Variants in CDC45 observed in about 807,000 individuals in gnomAD.
The protein encoded by CDC45 is cell division control protein 45 homolog.
Under a neutral mutation model 77.8 loss-of-function variants are expected in CDC45, and 54 were observed. That is an observed-to-expected ratio of 0.69 (90% CI 0.56 to 0.87). The LOEUF is 0.87. Ranked by LOEUF, CDC45 falls within the 40% of genes least tolerant of loss-of-function variation. The probability of loss-of-function intolerance (pLI) is 0.00; values close to 1 mark genes in which losing one functional copy is unlikely to be tolerated. For synonymous variants in CDC45, 260 were observed against 272.1 expected (o/e 0.96, Z 0.44); for missense variants, 649 against 721.6 (o/e 0.90, Z 1.15).
chr22:19,480,056 C>T, intron 1 of CDC45, 37 bp downstream of exon 1: 1 of 1,612,978 alleles, frequency 6.2e-7, no homozygotes, highest in East Asian at 2.2e-5. Flanking sequence ...GAGGCCTTGC[C>T]GGTGGGGAAG....
intron 4 of CDC45, 90 bp downstream of exon 4, chr22:19,482,917 A>C: frequency 1.7e-6 from 2 of 1,207,454 alleles, no homozygotes; most frequent in Non-Finnish European, 2.4e-6. Flanking sequence ...TGTGTGTCTG[A>C]CTACCCTGTG....
intron 13 of CDC45, among the ~76,000 whole-genome samples, 167 bp downstream of exon 13, chr22:19,508,858 A>T (rs1300215387): frequency 6.6e-6 from 1 of 152,032 alleles, no homozygotes; most frequent in East Asian, 1.9e-4. Flanking sequence ...CTGACACATT[A>T]CCTGCCCCTC....
intron 2 of CDC45, 81 bp from the exon 3 acceptor site, chr22:19,480,872 G>T: frequency 1.1e-6 from 1 of 872,984 alleles, no homozygotes; most frequent in South Asian, 1.6e-5. Context: ...CTCTCAACCC[G>T]TCTAATCTTC....
At chr22:19,494,899 AAGGACAACGTAAGAC>A (rs1229356896) in intron 6 of CDC45, among the ~76,000 whole-genome samples, 2 of 152,170 alleles carry the variant, frequency 1.3e-5, no homozygotes, top group Non-Finnish European at 1.5e-5. Flanking sequence ...CCCCTCGGAT[AAGGACAACGTAAGAC>A]AGGTGTGGTG....
chr22:19,513,919 GT>G (rs1255312085), intron 13 of CDC45, among the ~76,000 whole-genome samples: 2 of 152,270 alleles, frequency 1.3e-5, no homozygotes, highest in Admixed American at 1.3e-4. Flanking sequence ...TGTTGAGGAA[GT>G]TTTTCTTGAC....
In CDC45 at chr22:19,482,760, A is replaced by ACACTATATT. The variant is rs1316103086; in HGVS notation, c.277_285dup (p.Thr93_Phe95dup). The ACACTATATT allele has an allele frequency of 2.5e-6, 4 of 1,612,900 alleles. No individual in the cohort carries two copies. Among genetic ancestry groups the ACACTATATT allele is most frequent in the Admixed American group, 1.7e-5 (1 of 60,026 alleles). Reference sequence around the variant, plus strand: ...TTGGATATTCTTCAACCTGATGAAGACACTATATTCTTTGTGTGTGACACC... The same window carrying ACACTATATT: ...TTGGATATTCTTCAACCTGATGAAGACACTATATTCACTATATTCTTTGTGTGTGACACC... On this transcript the variant is annotated inframe_insertion, in exon 4 of 19. Coordinates refer to ENST00000263201, the MANE Select transcript of CDC45 (RefSeq NM_003504.5).
chr22:19,510,235 C>T (rs1933439200), intron 13 of CDC45, among the ~76,000 whole-genome samples: 1 of 151,686 alleles, frequency 6.6e-6, no homozygotes, highest in Non-Finnish European at 1.5e-5. Flanking sequence ...CTGGGAGGAA[C>T]AGGCATGAGC....
intron 15 of CDC45, 118 bp downstream of exon 15, chr22:19,515,166 A>G (rs987990710): frequency 8.5e-6 from 7 of 823,384 alleles, no homozygotes; most frequent in South Asian, 3.7e-5. Context: ...TGCAAGGTCT[A>G]GGCACATCCA....
At position 19,483,857 on chromosome 22, in the gene CDC45, C is replaced by T. The variant is rs1458362798; in HGVS notation, c.343-5C>T. On this transcript the variant is annotated splice_region_variant and splice_polypyrimidine_tract_variant and intron_variant, in intron 4 of 18. Coordinates refer to ENST00000263201, the MANE Select transcript of CDC45 (RefSeq NM_003504.5). The stretch of plus-strand genomic sequence containing the variant: ...AGGCTTAATTCCTTTTTGTTTTGAA[C>T]TTAGATCAAATTACTCATTAAACAA... 2.5e-6 allele frequency: 4 copies of T among 1,609,670 alleles called. No individual in the cohort carries two copies. The East Asian group carries it at 8.9e-5, about 36-fold the overall frequency.
At chr22:19,499,566 G>T (rs1291075698) in intron 9 of CDC45, among the ~76,000 whole-genome samples, 2 of 152,184 alleles carry the variant, frequency 1.3e-5, no homozygotes, top group Non-Finnish European at 2.9e-5. Flanking sequence ...AGCAGTAGGG[G>T]TTTGACCCCA....
chr22:19,516,519 C>T lies in CDC45; in HGVS notation c.1441-8C>T, dbSNP rs1933799424. 2 of 1,611,252 alleles carry T rather than the reference C, an allele frequency of 1.2e-6. No homozygotes were observed. The highest frequency in any genetic ancestry group is 8.5e-7 in the Non-Finnish European group (1 of 1,177,736). ...TACCCTGACGGAGGGTGCTCTCCGACTCCATAGACAAAGAACCGGCGCTGC... is the reference window on the plus strand; with the variant it reads ...TACCCTGACGGAGGGTGCTCTCCGATTCCATAGACAAAGAACCGGCGCTGC... On this transcript the variant is annotated splice_region_variant and splice_polypyrimidine_tract_variant and intron_variant, in intron 15 of 18. Coordinates refer to ENST00000263201, the MANE Select transcript of CDC45 (RefSeq NM_003504.5).
chr22:19,484,564 GT>G (rs1221138905), intron 5 of CDC45, among the ~76,000 whole-genome samples: 1 of 152,150 alleles, frequency 6.6e-6, no homozygotes, highest in Non-Finnish European at 1.5e-5. Context: ...CAGGCAGAAG[GT>G]GGTTGTTCCC....
chr22:19,482,813 T>C lies in CDC45; in HGVS notation c.328T>C (p.Tyr110His). 2 of 1,614,134 alleles carry C rather than the reference T, an allele frequency of 1.2e-6. No homozygotes were observed. The highest frequency in any genetic ancestry group is 1.7e-6 in the Non-Finnish European group (2 of 1,179,962). Residue 110 changes from tyrosine (Y) to histidine (H), a missense_variant, in exon 4 of 19, where the codon TAC becomes CAC. Coordinates refer to ENST00000263201, the MANE Select transcript of CDC45 (RefSeq NM_003504.5). ...TAGGCCAGTCAATGTCGTCAATGTA[T>C]ACAACGATACCCAGGTACTTTTTGT... ...THRPVNVVNV[Y>H]NDTQIKLLIK... is the part of the protein sequence containing the mutation.
Position 19,520,436 on chromosome 22 carries a change from C to T in CDC45, c.*2-45C>T, listed in dbSNP as rs1307893065. On this transcript the variant is annotated intron_variant, in intron 18 of 18. Coordinates refer to ENST00000263201, the MANE Select transcript of CDC45 (RefSeq NM_003504.5). This position sits in a 1 kb window ranked among gnomAD's most constrained non-coding sequence, Gnocchi z 4.5. The stretch of plus-strand genomic sequence containing the variant: ...GGGCAGTTTCTTCAATTCGGTGGCA[C>T]ATCAACATCGTTTGAAACTTGTTTT... 6.6e-6 allele frequency: 1 copy of T among 152,210 alleles called. No individual in the cohort carries two copies. The highest frequency in any genetic ancestry group is 1.9e-4 in the East Asian group (1 of 5,198). 9.4% of individuals were successfully genotyped at this position (152,210 alleles called of 1,614,324 possible). A position where few individuals can be genotyped will look rare whatever the true frequency, so the allele number is the denominator to read the frequency against.
rs371134187 is a variant in CDC45 at position 19,516,790 on chromosome 22, C to A, written c.1560-27C>A. 10 of 1,607,820 alleles carry A rather than the reference C, an allele frequency of 6.2e-6. No individual in the cohort carries two copies. In the African/African-American group the frequency reaches 1.3e-4, roughly 22 times the overall value. ...GAAGGGTCCATTGCAGGCCGCCTGGCCCCCGACATGTCTTGTGTGTCAGCA... is the reference window on the plus strand; with the variant it reads ...GAAGGGTCCATTGCAGGCCGCCTGGACCCCGACATGTCTTGTGTGTCAGCA... On this transcript the variant is annotated intron_variant, in intron 16 of 18. Coordinates refer to ENST00000263201, the MANE Select transcript of CDC45 (RefSeq NM_003504.5).
At chr22:19,498,141 T>C (rs1180468194) in intron 8 of CDC45, among the ~76,000 whole-genome samples, 4 of 152,042 alleles carry the variant, frequency 2.6e-5, no homozygotes, top group Non-Finnish European at 5.9e-5. Flanking sequence ...GCCATTACAC[T>C]CCAGCCTGGG....
At chr22:19,481,360 T>G (rs574478165) in intron 3 of CDC45, among the ~76,000 whole-genome samples, 2 of 152,126 alleles carry the variant, frequency 1.3e-5, no homozygotes, top group Non-Finnish European at 2.9e-5. Flanking sequence ...ATTATTTTAT[T>G]TTATTTTGGT....
chr22:19,486,798 T>C (rs2090074844), intron 5 of CDC45, among the ~76,000 whole-genome samples: 1 of 152,116 alleles, frequency 6.6e-6, no homozygotes, highest in Admixed American at 6.5e-5. Context: ...TGCCTCAGAC[T>C]CCCAAGTAGC....
At chr22:19,496,860 C>G (rs780072710) in intron 7 of CDC45, among the ~76,000 whole-genome samples, 8 of 152,142 alleles carry the variant, frequency 5.3e-5, no homozygotes, top group Non-Finnish European at 1.0e-4. Context: ...ATGTGGACAG[C>G]CCTGTTGGAA....
Sources: gnomAD v4.1 joint callset for allele counts (sites outside exome capture counted in the v4.1 genomes callset) on GRCh38, gnomAD v4.1.1 for gene constraint, Gnocchi (gnomAD v3.1) non-coding constraint, MANE v1.5 for transcripts, NCBI Gene and HGNC (gene_info 2026-07-23, HGNC 2026-07-21) for gene names.